CASKIN1: variants seen among roughly 807,000 people sequenced by gnomAD.
CASKIN1 encodes the protein CASK interacting protein 1.
Under a neutral mutation model 117.5 loss-of-function variants are expected in CASKIN1, and 42 were observed. That is an observed-to-expected ratio of 0.36 (90% CI 0.28 to 0.46). CASKIN1 has a LOEUF of 0.46. Among genes scored for constraint, CASKIN1 ranks in the 20% least tolerant of loss-of-function variants. CASKIN1 has a pLI of 1.00. For missense variants in CASKIN1, 2,083 were observed against 2,077.3 expected (o/e 1.00, Z -0.05); for synonymous variants, 1,148 against 961.7 (o/e 1.19, Z -3.59).
chr16:2,190,240 C>A, intron 2 of CASKIN1, 67 bp downstream of exon 2: 1 of 1,591,464 alleles, frequency 6.3e-7, no homozygotes, highest in East Asian at 2.3e-5. Context: ...CTGCCCTCCC[C>A]CGGCACCTAG....
intron 1 of CASKIN1, among the ~76,000 whole-genome samples, chr16:2,194,576 T>A (rs1489156873): frequency 6.6e-6 from 1 of 152,186 alleles, no homozygotes; most frequent in African/African-American, 2.4e-5. Context: ...AGCTGTACTT[T>A]ACTGAATCAA....
chr16:2,187,725 G>A (rs1330906347), intron 6 of CASKIN1, among the ~76,000 whole-genome samples: 1 of 152,052 alleles, frequency 6.6e-6, no homozygotes, highest in Non-Finnish European at 1.5e-5. Context: ...GGGTTCAAGC[G>A]ATTCTCCTGC....
chr16:2,189,954 G>T, intron 3 of CASKIN1, 119 bp downstream of exon 3: 1 of 954,964 alleles, frequency 1.0e-6, no homozygotes, highest in Non-Finnish European at 1.6e-6. Flanking sequence ...AGGAGGACCT[G>T]CCTGAAATCA....
chr16:2,181,335 G>T lies in CASKIN1; in HGVS notation c.2033C>A (p.Pro678His). ...CGGGGTGGGTGGCAGGTGGCTGGAG[G>T]GCTTCTCAGTGGTGGGCCCCACCTC... ...PAEVGPTTEKPSSHLPPTPRA... is the reference protein window; with the variant it reads ...PAEVGPTTEKHSSHLPPTPRA... Residue 678 changes from proline to histidine, a missense_variant, in exon 18 of 20, where the codon CCC (proline) becomes CAC (histidine). Transcript: ENST00000343516. 1 of 1,606,808 alleles carries T rather than the reference G, an allele frequency of 6.2e-7. No homozygotes were observed.
intron 10 of CASKIN1, among the ~76,000 whole-genome samples, chr16:2,186,261 G>A (rs750195030): frequency 6.6e-6 from 1 of 152,154 alleles, no homozygotes; most frequent in African/African-American, 2.4e-5. Context: ...GAGCCACCAC[G>A]CCTGGCGCCG....
chr16:2,185,466 G>T, intron 10 of CASKIN1, 58 bp from the exon 11 acceptor site: 1 of 1,425,848 alleles, frequency 7.0e-7, no homozygotes, highest in Non-Finnish European at 9.5e-7. Context: ...TACTGACGCA[G>T]GGGAGGCAGG....
At position 2,177,897 on chromosome 16, in the gene CASKIN1, G is replaced by A; in HGVS notation, c.*653C>T. On this transcript the variant is annotated 3_prime_UTR_variant, in exon 20 of 20. Transcript: ENST00000343516. ...GGGCCCCAGCCTTCCACCTGTGCTA[G>A]CAGCCTGGGGCCTCCACTCTGGCCG... is the stretch of plus-strand genomic sequence containing the variant. 3.2e-6 allele frequency: 1 copy of A among 317,074 alleles called. No homozygotes were observed. The highest frequency in any genetic ancestry group is 6.0e-6 in the Non-Finnish European group (1 of 167,498). 19.6% of individuals were successfully genotyped at this position (317,074 alleles called of 1,614,324 possible).
rs573198641 is a variant in CASKIN1, at chr16:2,181,154, C to T, written c.2214G>A (p.Pro738=). 1.3e-5 allele frequency: 20 copies of T among 1,491,904 alleles called. No homozygotes were observed. The highest frequency in any genetic ancestry group is 7.1e-5 in the East Asian group (3 of 42,444). The allele number at this position is 1,491,904 out of a possible 1,614,324, so 92.4% of individuals were successfully genotyped here. ...GGCGGCCGGGCCGGGCCTCCCTGGG[C>T]GGGGTGCCGGGGGCGGGGCCCTCAT... ...LLDEGPAPGT[P]PREARPGRHG... is the part of the protein sequence containing the mutation. Residue 738 remains proline (P), a synonymous_variant, in exon 18 of 20, where the codon CCG becomes CCA. Coordinates refer to ENST00000343516, the MANE Select transcript of CASKIN1 (RefSeq NM_020764.4).
Position 2,180,670 on chromosome 16 carries a change from C to T in CASKIN1, c.2698G>A (p.Val900Met). Residue 900 changes from valine to methionine, a missense_variant, in exon 18 of 20, where the codon GTG becomes ATG. By Grantham distance (21) the Val-to-Met change is conservative (BLOSUM62 1). Coordinates refer to ENST00000343516, the MANE Select transcript of CASKIN1 (RefSeq NM_020764.4). ...GCATAGGGGCCGGCAGCCGCAGGCA[C>T]CAGCAGCTCGTCCCGCTCCGGCTCG... ...DSEPERDELLVPAAAGPYATV... is the reference protein window; with the variant it reads ...DSEPERDELLMPAAAGPYATV... The T allele has an allele frequency of 1.3e-6, 2 of 1,519,528 alleles. No homozygotes were observed. Among genetic ancestry groups the T allele is most frequent in the East Asian group, 2.5e-5 (1 of 40,452 alleles). The allele number at this position is 1,519,528 out of a possible 1,614,324, so 94.1% of individuals were successfully genotyped here. A position where few individuals can be genotyped will look rare whatever the true frequency, so the allele number is the denominator to read the frequency against.
At chr16:2,185,692 G>A (rs762362808) in intron 10 of CASKIN1, among the ~76,000 whole-genome samples, 1 of 152,222 alleles carries the variant, frequency 6.6e-6, no homozygotes, top group Non-Finnish European at 1.5e-5. Context: ...ACTGGGGAGT[G>A]GGGGGCAGGC....
intron 1 of CASKIN1, among the ~76,000 whole-genome samples, chr16:2,195,636 C>A (rs991728043): frequency 1.8e-4 from 28 of 152,234 alleles, no homozygotes; most frequent in African/African-American, 6.0e-4. Context: ...TGGTCCCCCA[C>A]TCCCTCATGG....
chr16:2,184,398 G>C (rs1032234966), intron 14 of CASKIN1, among the ~76,000 whole-genome samples: 1 of 152,134 alleles, frequency 6.6e-6, no homozygotes, highest in Non-Finnish European at 1.5e-5. Context: ...TCAGCCAGCA[G>C]CTTACAGCTC....
chr16:2,190,042 G>A, intron 3 of CASKIN1, 31 bp downstream of exon 3: 4 of 1,568,390 alleles, frequency 2.6e-6, no homozygotes, highest in Non-Finnish European at 3.5e-6. Context: ...CCCCGCCCCT[G>A]CCCCCACCAG....
At chr16:2,184,494 A>G (rs2093177778) in intron 14 of CASKIN1, among the ~76,000 whole-genome samples, 2 of 152,122 alleles carry the variant, frequency 1.3e-5, no homozygotes. Flanking sequence ...CCACCTGTAC[A>G]CAGACACGCG....
chr16:2,194,969 C>A (rs1347484227), intron 1 of CASKIN1, among the ~76,000 whole-genome samples: 1 of 152,242 alleles, frequency 6.6e-6, no homozygotes, highest in Non-Finnish European at 1.5e-5. Context: ...AGGCTGACAT[C>A]CCATCCTACA....
chr16:2,193,846 C>T (rs1489634205), intron 1 of CASKIN1, among the ~76,000 whole-genome samples: 1 of 152,226 alleles, frequency 6.6e-6, no homozygotes, highest in African/African-American at 2.4e-5. Context: ...ACCCCCATTC[C>T]TGTGGGGGGA....
Position 2,189,317 on chromosome 16 carries a change from T to C in CASKIN1, c.407A>G (p.Gln136Arg), listed in dbSNP as rs750550485. The C allele has an allele frequency of 2.5e-6, 4 of 1,613,020 alleles. No homozygotes were observed. The highest frequency in any genetic ancestry group is 2.7e-5 in the African/African-American group (2 of 74,910). ...CACCATGCACGGGTTAGACTGGTGCTGTAGCAGCATCTCAGACTGGGGGCC... is the reference window on the plus strand; with the variant it reads ...CACCATGCACGGGTTAGACTGGTGCCGTAGCAGCATCTCAGACTGGGGGCC... Reference protein sequence around the residue: ...GHYDVSEMLLQHQSNPCMVDN... With the variant: ...GHYDVSEMLLRHQSNPCMVDN... Residue 136 changes from glutamine to arginine, a missense_variant, in exon 5 of 20, where the codon CAG (glutamine) becomes CGG (arginine). Physicochemically the swap from Gln to Arg is conservative, Grantham distance 43 (BLOSUM62 1). This residue lies in a region of CASKIN1 where 203 missense variants were observed against 338.7 expected (regional missense o/e 0.60). Coordinates refer to ENST00000343516, the MANE Select transcript of CASKIN1 (RefSeq NM_020764.4).
Position 2,190,298 on chromosome 16 carries a change from A to C in CASKIN1, c.146+9T>G. Reference sequence around the variant, plus strand: ...CTTCCAGGCAGGCACCACCCGGCTCAGAACTCACCCATCCGGGTCCTGGAA... The same window carrying C: ...CTTCCAGGCAGGCACCACCCGGCTCCGAACTCACCCATCCGGGTCCTGGAA... On this transcript the variant is annotated intron_variant, in intron 2 of 19. Coordinates refer to ENST00000343516, the MANE Select transcript of CASKIN1 (RefSeq NM_020764.4). The C allele has an allele frequency of 6.3e-7, 1 of 1,576,822 alleles. No individual in the cohort carries two copies. Among genetic ancestry groups the C allele is most frequent in the Non-Finnish European group, 8.6e-7 (1 of 1,160,648 alleles).
Position 2,196,089 on chromosome 16 carries a change from G to A in CASKIN1, c.94+250C>T, listed in dbSNP as rs2093215186. Among the ~76,000 whole-genome samples the A allele has an allele frequency of 6.6e-6, 1 of 152,012 alleles. No individual in the cohort carries two copies. The highest frequency in any genetic ancestry group is 1.5e-5 in the Non-Finnish European group (1 of 67,952). ...AGAGAGAGGGATGCGAACGCCCGCG[G>A]CCCGGGAGGCGGGTGCCGCCAGGTG... On this transcript the variant is annotated intron_variant, in intron 1 of 19. Transcript: ENST00000343516. The surrounding 1 kb of genome is among the most constrained non-coding windows in gnomAD (Gnocchi z 5.7).
Sources: gnomAD v4.1 joint callset for allele counts (sites outside exome capture counted in the v4.1 genomes callset) on GRCh38, gnomAD v4.1.1 for gene constraint, gnomAD v4.1.1 regional missense constraint, Gnocchi (gnomAD v3.1) non-coding constraint, MANE v1.5 for transcripts, NCBI Gene and HGNC (gene_info 2026-07-23, HGNC 2026-07-21) for gene names.